DLGAP1: variants seen among roughly 807,000 people sequenced by gnomAD.
DLGAP1 encodes the protein DLG associated protein 1.
A neutral mutation model predicts 90.8 loss-of-function variants in DLGAP1; 11 were observed. That is an observed-to-expected ratio of 0.12 (90% confidence interval 0.08 to 0.20). The LOEUF is 0.20. Among genes scored for constraint, DLGAP1 ranks in the 10% least tolerant of loss-of-function variants. DLGAP1 has a pLI of 1.00. For synonymous variants in DLGAP1, 558 were observed against 540.7 expected (o/e 1.03, Z -0.44); for missense variants, 1,050 against 1,333.8 (o/e 0.79, Z 3.31).
chr18:4,418,518 A>C (rs2082955474), intron 1 of DLGAP1, among the ~76,000 whole-genome samples: 1 of 152,228 alleles, frequency 6.6e-6, no homozygotes, highest in Admixed American at 6.5e-5. Context: ...AACTATAAAA[A>C]AATCAAATGA....
chr18:3,740,975 A>ATCACCACCACCACCACCATCACC (rs1568047155), intron 6 of DLGAP1, among the ~76,000 whole-genome samples: 44 of 82,480 alleles, frequency 5.3e-4, no homozygotes, highest in Non-Finnish European at 9.1e-4. Context: ...CCACCATCAC[A>ATCACCACCACCACCACCATCACC]TCACCACCAC....
At position 4,099,341 on chromosome 18, in the gene DLGAP1, A is replaced by ATCTG. The variant is rs1313283586; in HGVS notation, c.-159+51838_-159+51839insCAGA. Among the ~76,000 whole-genome samples the ATCTG allele has an allele frequency of 3.3e-3, 239 of 72,542 alleles. 1 individual carries two copies. Among genetic ancestry groups the ATCTG allele is most frequent in the South Asian group, 0.01 (30 of 2,912 alleles). 47.6% of individuals were successfully genotyped at this position (72,542 alleles called of 152,430 possible). On this transcript the variant is annotated intron_variant, in intron 2 of 12. Coordinates refer to ENST00000315677, the MANE Select transcript of DLGAP1 (RefSeq NM_004746.4). Reference sequence around the variant, plus strand: ...TATCTATCTATCTATCTATCTATCTATCTATCTGTCTGTCTGTCTATCTTT... The same window carrying ATCTG: ...TATCTATCTATCTATCTATCTATCTATCTGTCTATCTGTCTGTCTGTCTATCTTT...
At chr18:4,194,162 C>G (rs889538208) in intron 1 of DLGAP1, among the ~76,000 whole-genome samples, 1 of 152,116 alleles carries the variant, frequency 6.6e-6, no homozygotes, top group Non-Finnish European at 1.5e-5. Flanking sequence ...GCCCCATTCC[C>G]TTCCGCACCA....
rs528140676 is a variant in DLGAP1 at position 4,203,492 on chromosome 18, A to G, written c.-266-52205T>C. Among the ~76,000 whole-genome samples the G allele has an allele frequency of 5.3e-5, 8 of 152,228 alleles. No homozygotes were observed. The South Asian group carries it at 1.7e-3, about 32-fold the overall frequency. On this transcript the variant is annotated intron_variant, in intron 1 of 12. Transcript: ENST00000315677. The stretch of plus-strand genomic sequence containing the variant: ...TATCAATTAATCTTTTAAAAACACA[A>G]TTTTGTTTGCCATGAGCTTTTATTT...
chr18:4,046,918 G>A (rs2075063266), intron 2 of DLGAP1, among the ~76,000 whole-genome samples: 1 of 152,214 alleles, frequency 6.6e-6, no homozygotes. Context: ...AAATCTGCAG[G>A]AGATGTGACA....
intron 8 of DLGAP1, among the ~76,000 whole-genome samples, chr18:3,574,148 C>T (rs2054970641): frequency 6.6e-6 from 1 of 152,154 alleles, no homozygotes; most frequent in Non-Finnish European, 1.5e-5. Context: ...TATTCTCATT[C>T]CTAATATTGT....
chr18:3,613,394 C>A (rs984224671), intron 7 of DLGAP1, among the ~76,000 whole-genome samples: 1 of 152,114 alleles, frequency 6.6e-6, no homozygotes, highest in Non-Finnish European at 1.5e-5. Flanking sequence ...TGCAGTGGCA[C>A]AATCATGGCT....
intron 2 of DLGAP1, among the ~76,000 whole-genome samples, chr18:4,121,006 G>A (rs553188974): frequency 6.6e-5 from 10 of 152,238 alleles, no homozygotes; most frequent in Admixed American, 5.2e-4. Flanking sequence ...GACAGTGAAT[G>A]CATAAACAAA....
intron 1 of DLGAP1, among the ~76,000 whole-genome samples, chr18:4,167,170 G>T (rs1470416949): frequency 1.3e-5 from 2 of 151,862 alleles, no homozygotes; most frequent in East Asian, 3.9e-4. Context: ...TAATTAAATG[G>T]CCAACTTATA....
intron 5 of DLGAP1, among the ~76,000 whole-genome samples, chr18:3,751,739 A>G (rs1270882623): frequency 6.6e-6 from 1 of 151,166 alleles, no homozygotes; most frequent in Non-Finnish European, 1.5e-5. Flanking sequence ...TAATTTTTGT[A>G]TTTTTAGTAG....
intron 2 of DLGAP1, among the ~76,000 whole-genome samples, chr18:4,066,587 T>C (rs1241546432): frequency 6.6e-6 from 1 of 152,148 alleles, no homozygotes; most frequent in Non-Finnish European, 1.5e-5. Flanking sequence ...TCAACATTAC[T>C]GATTATTAGA....
At chr18:3,944,009 A>T (rs960754290) in intron 3 of DLGAP1, among the ~76,000 whole-genome samples, 2 of 152,244 alleles carry the variant, frequency 1.3e-5, no homozygotes, top group African/African-American at 4.8e-5. Flanking sequence ...TAAGGAAATA[A>T]ATTTCTGTTG....
intron 2 of DLGAP1, among the ~76,000 whole-genome samples, chr18:4,090,808 C>T (rs536267707): frequency 2.6e-5 from 4 of 152,124 alleles, no homozygotes; most frequent in Non-Finnish European, 5.9e-5. Context: ...TTCATGGCAG[C>T]GCTATTCACA....
chr18:3,636,281 C>A (rs1000655324), intron 7 of DLGAP1, among the ~76,000 whole-genome samples: 1 of 151,436 alleles, frequency 6.6e-6, no homozygotes, highest in Non-Finnish European at 1.5e-5. Context: ...TCTTTTACAC[C>A]TTTCATTAAC....
At chr18:3,628,275 T>C (rs1275766969) in intron 7 of DLGAP1, among the ~76,000 whole-genome samples, 6 of 151,048 alleles carry the variant, frequency 4.0e-5, no homozygotes, top group South Asian at 2.1e-4. Flanking sequence ...CTGTAACCTC[T>C]GCCTCCCGGG....
chr18:3,555,127 C>T (rs1350081254), intron 9 of DLGAP1, among the ~76,000 whole-genome samples: 1 of 152,044 alleles, frequency 6.6e-6, no homozygotes, highest in Non-Finnish European at 1.5e-5. Context: ...AAATGAATTA[C>T]AACCAGCAAA....
intron 1 of DLGAP1, among the ~76,000 whole-genome samples, chr18:4,416,121 T>TG (rs5822816): frequency 0.48 from 73,253 of 151,962 alleles, 18,135 homozygotes; most frequent in African/African-American, 0.61. Context: ...AGAACCTAAA[T>TG]TGTAGTGACA....
intron 7 of DLGAP1, among the ~76,000 whole-genome samples, chr18:3,599,918 A>G (rs955953946): frequency 7.0e-6 from 1 of 142,542 alleles, no homozygotes; most frequent in Non-Finnish European, 1.5e-5. Flanking sequence ...TTCCCAGCCA[A>G]TTTTTTTTTT....
chr18:4,195,845 G>A (rs986678466), intron 1 of DLGAP1, among the ~76,000 whole-genome samples: 3 of 152,118 alleles, frequency 2.0e-5, no homozygotes, highest in African/African-American at 7.2e-5. Flanking sequence ...GAGCCATCGC[G>A]CCCGGCCTGA....
Sources: gnomAD v4.1 joint callset for allele counts (sites outside exome capture counted in the v4.1 genomes callset) on GRCh38, gnomAD v4.1.1 for gene constraint, MANE v1.5 for transcripts, NCBI Gene and HGNC (gene_info 2026-07-23, HGNC 2026-07-21) for gene names.